The following SS18L1 variants were observed in gnomAD, a reference collection of about 807,000 sequenced individuals.
SS18L1 encodes SS18L1 subunit of BAF chromatin remodeling complex.
SS18L1 carries 32 observed loss-of-function variants against 70.3 expected under a neutral mutation model. The observed-to-expected ratio is 0.46, with a 90% CI of 0.34 to 0.61. The LOEUF is 0.61. Among genes scored for constraint, SS18L1 ranks in the 20% least tolerant of loss-of-function variants. The pLI is 0.01. For missense variants in SS18L1, 430 were observed against 542.1 expected (o/e 0.79, Z 2.05); for synonymous variants, 237 against 229.7 (o/e 1.03, Z -0.29).
chr20:62,161,368 G>A lies in SS18L1; in HGVS notation c.232-68G>A. On this transcript the variant is annotated intron_variant, in intron 3 of 10. Transcript: ENST00000331758. The surrounding 1 kb of genome is among the most constrained non-coding windows in gnomAD (Gnocchi z 4.4). ...AATCTCGGGTGCCCTCTCATCCCTG[G>A]CCTGGCTTGTGGAGGTCGCTCTCCG... 1 of 1,610,920 alleles carries A rather than the reference G, an allele frequency of 6.2e-7. No homozygotes were observed. Among genetic ancestry groups the A allele is most frequent in the East Asian group, 2.2e-5 (1 of 44,810 alleles).
intron 10 of SS18L1, among the ~76,000 whole-genome samples, chr20:62,178,059 G>A (rs73613553): frequency 0.083 from 10,635 of 128,408 alleles, 590 homozygotes; most frequent in South Asian, 0.2. Context: ...TCACTCTGTC[G>A]CCCAGGCTGG....
Position 62,179,316 on chromosome 20 carries a change from A to C in SS18L1, c.*108A>C. 7.9e-7 allele frequency: 1 copy of C among 1,268,774 alleles called. No homozygotes were observed. The highest frequency in any genetic ancestry group is 1.1e-6 in the Non-Finnish European group (1 of 872,652). The allele number at this position is 1,268,774 out of a possible 1,614,324, so 78.6% of individuals were successfully genotyped here. A position where few individuals can be genotyped will look rare whatever the true frequency, so the allele number is the denominator to read the frequency against. On this transcript the variant is annotated 3_prime_UTR_variant, in exon 11 of 11. Coordinates refer to ENST00000331758, the MANE Select transcript of SS18L1 (RefSeq NM_198935.3). ...TGACATGTTGGTTACCTGTTCGCCC[A>C]GTGCCACGTCTGCATGTGAAGCGTG...
At chr20:62,163,262 C>T (rs2057364587) in intron 5 of SS18L1, among the ~76,000 whole-genome samples, 196 bp from the exon 6 acceptor site, 1 of 152,218 alleles carries the variant, frequency 6.6e-6, no homozygotes. Flanking sequence ...AGAGTCGGTG[C>T]AAGCAGCGGG....
intron 1 of SS18L1, among the ~76,000 whole-genome samples, chr20:62,155,747 G>A (rs1012612161): frequency 6.6e-6 from 1 of 152,204 alleles, no homozygotes; most frequent in African/African-American, 2.4e-5. Context: ...CCTGAGCCTT[G>A]TGGGGCTTCG....
rs373569317 is a variant in SS18L1 at position 62,158,879 on chromosome 20, A to G, written c.146+131A>G. On this transcript the variant is annotated intron_variant, in intron 2 of 10. Coordinates refer to ENST00000331758, the MANE Select transcript of SS18L1 (RefSeq NM_198935.3). The surrounding 1 kb of genome is among the most constrained non-coding windows in gnomAD (Gnocchi z 4.5). ...CCCAGGAGTCCCCAGCACGGAGGCC[A>G]GATATGTCCCAGGAGTCCCCTGCAC... is the stretch of plus-strand genomic sequence containing the variant. 2.5e-6 allele frequency: 4 copies of G among 1,605,820 alleles called. No homozygotes were observed. The highest frequency in any genetic ancestry group is 3.4e-6 in the Non-Finnish European group (4 of 1,176,676).
chr20:62,164,589 C>T (rs1601028940), intron 7 of SS18L1, among the ~76,000 whole-genome samples: 2 of 152,232 alleles, frequency 1.3e-5, no homozygotes, highest in South Asian at 4.1e-4. Flanking sequence ...TTCAAGAAGG[C>T]GCCTCCCAGC....
At chr20:62,150,633 A>AATTTTTTTTTTTTTTTTTTTTTTTTTTT (rs1199902967) in intron 1 of SS18L1, among the ~76,000 whole-genome samples, 2 of 58,030 alleles carry the variant, frequency 3.4e-5, no homozygotes, top group Non-Finnish European at 3.5e-5. Flanking sequence ...ATTGAGGTGG[A>AATTTTTTTTTTTTTTTTTTTTTTTTTTT]TTTTTTTTTT....
At chr20:62,154,613 C>T in intron 1 of SS18L1, 1 of 848,316 alleles carries the variant, frequency 1.2e-6, no homozygotes, top group Non-Finnish European at 1.4e-6. Flanking sequence ...TCGTTGCACC[C>T]TGCGGGCCCA....
At chr20:62,160,106 G>A in intron 3 of SS18L1, 145 bp downstream of exon 3, 1 of 820,748 alleles carries the variant, frequency 1.2e-6, no homozygotes, top group Non-Finnish European at 1.9e-6. Context: ...AAATGGGAGT[G>A]TGGGCGGTGG....
chr20:62,152,510 G>A (rs543658866), intron 1 of SS18L1, among the ~76,000 whole-genome samples: 35 of 152,308 alleles, frequency 2.3e-4, no homozygotes, highest in African/African-American at 8.2e-4. Flanking sequence ...GTAGAAACTC[G>A]GCCTCTTAGG....
chr20:62,168,738 C>T (rs577779159), intron 8 of SS18L1, among the ~76,000 whole-genome samples: 21 of 152,230 alleles, frequency 1.4e-4, no homozygotes, highest in Non-Finnish European at 2.4e-4. Context: ...AGCTTGAGCC[C>T]GGGAGGTCGA....
chr20:62,173,803 C>T (rs1021458396), intron 9 of SS18L1, among the ~76,000 whole-genome samples: 1 of 152,020 alleles, frequency 6.6e-6, no homozygotes, highest in African/African-American at 2.4e-5. Context: ...ATTGCTTGAG[C>T]CCAGGAGTTC....
At position 62,165,568 on chromosome 20, in the gene SS18L1, G is replaced by A. The variant is rs940244839; in HGVS notation, c.916+54G>A. On this transcript the variant is annotated intron_variant, in intron 8 of 10. Coordinates refer to ENST00000331758, the MANE Select transcript of SS18L1 (RefSeq NM_198935.3). ...GAGCGTAAGCGCCACACGCAGCAGA[G>A]TTAAGACGCTGCACCCTTAGGAGCA... 1.2e-5 allele frequency: 19 copies of A among 1,531,452 alleles called. No homozygotes were observed. In the Admixed American group the frequency reaches 3.1e-4, roughly 25 times the overall value. 94.9% of individuals were successfully genotyped at this position (1,531,452 alleles called of 1,614,324 possible).
At chr20:62,162,046 C>T (rs944408628) in intron 4 of SS18L1, among the ~76,000 whole-genome samples, 2 of 150,580 alleles carry the variant, frequency 1.3e-5, no homozygotes, top group African/African-American at 5.0e-5. Context: ...TATGGCAAAG[C>T]CCCATCTTTA....
In SS18L1 at chr20:62,174,497, G is replaced by A. The variant is rs529464166; in HGVS notation, c.1037-20G>A. ...AGGTGTCCGTTTTGGCCGGCCTCAC[G>A]GTTCCTGGTGTCTTCTCAGGGTCTG... On this transcript the variant is annotated intron_variant, in intron 9 of 10. Transcript: ENST00000331758. This position sits in a 1 kb window ranked among gnomAD's most constrained non-coding sequence, Gnocchi z 4.1. 398 of 1,594,132 alleles carry A rather than the reference G, an allele frequency of 2.5e-4. 7 individuals carry two copies. The South Asian group carries it at 4.1e-3, about 16-fold the overall frequency.
chr20:62,158,604 A>G lies in SS18L1; in HGVS notation c.70-68A>G. On this transcript the variant is annotated intron_variant, in intron 1 of 10. Transcript: ENST00000331758. The surrounding 1 kb of genome is among the most constrained non-coding windows in gnomAD (Gnocchi z 4.5). Reference sequence around the variant, plus strand: ...CTATATGAAAACTAGATGTGTAGCGATGGCTGTTCATCCCGAGGGTCAGCG... The same window carrying G: ...CTATATGAAAACTAGATGTGTAGCGGTGGCTGTTCATCCCGAGGGTCAGCG... 1 of 1,580,808 alleles carries G rather than the reference A, an allele frequency of 6.3e-7. No homozygotes were observed. Among genetic ancestry groups the G allele is most frequent in the Non-Finnish European group, 8.6e-7 (1 of 1,166,324 alleles).
chr20:62,171,992 C>T (rs1239737761), intron 8 of SS18L1, among the ~76,000 whole-genome samples: 3 of 152,146 alleles, frequency 2.0e-5, no homozygotes, highest in African/African-American at 7.2e-5. Flanking sequence ...GAAACTTCAT[C>T]TCTACTAAAA....
At position 62,174,409 on chromosome 20, in the gene SS18L1, G is replaced by A; in HGVS notation, c.1037-108G>A. 2.7e-6 allele frequency: 4 copies of A among 1,488,788 alleles called. No homozygotes were observed. Among genetic ancestry groups the A allele is most frequent in the Non-Finnish European group, 3.6e-6 (4 of 1,121,666 alleles). The allele number at this position is 1,488,788 out of a possible 1,614,324, so 92.2% of individuals were successfully genotyped here. On this transcript the variant is annotated intron_variant, in intron 9 of 10. Transcript: ENST00000331758. This position sits in a 1 kb window ranked among gnomAD's most constrained non-coding sequence, Gnocchi z 4.1. Reference sequence around the variant, plus strand: ...ACAAAAGGCTGATGCATTGAGACGGGAATTTTTCAAGGAGAAGAGGAAGTT... The same window carrying A: ...ACAAAAGGCTGATGCATTGAGACGGAAATTTTTCAAGGAGAAGAGGAAGTT...
In SS18L1 at chr20:62,180,587, ATGTTT is replaced by A. The variant is rs1403866416; in HGVS notation, c.*1386_*1390del. On this transcript the variant is annotated 3_prime_UTR_variant, in exon 11 of 11. Transcript: ENST00000331758. ...TAATAACGATATTTCTCTTTAATTG[ATGTTT>A]TGTTTTAAAAGTTAAAAGTAATTCT... The A allele has an allele frequency of 5.7e-6, 1 of 176,504 alleles. No homozygotes were observed. Among genetic ancestry groups the A allele is most frequent in the African/African-American group, 2.4e-5 (1 of 42,230 alleles). 10.9% of individuals were successfully genotyped at this position (176,504 alleles called of 1,614,324 possible).
Sources: allele counts gnomAD v4.1 joint callset (sites outside exome capture counted in the v4.1 genomes callset), GRCh38; gene constraint gnomAD v4.1.1; non-coding constraint Gnocchi (gnomAD v3.1); transcripts MANE v1.5; gene names NCBI Gene and HGNC (gene_info 2026-07-23, HGNC 2026-07-21).